Variants in GRB10 observed in about 807,000 individuals in gnomAD.
The protein encoded by GRB10 is growth factor receptor-bound protein 10.
Under a neutral mutation model 80.9 loss-of-function variants are expected in GRB10, and 20 were observed. The ratio of observed to expected loss-of-function variants is 0.25; its 90% confidence interval spans 0.17 to 0.36. GRB10 has a LOEUF of 0.36. GRB10 is among the 10% of genes least tolerant of loss of function. The pLI is 1.00. For synonymous variants in GRB10, 291 were observed against 291.5 expected, an observed-to-expected ratio of 1.00 and a Z score of 0.02; for missense variants, 548 against 747.7, an observed-to-expected ratio of 0.73 and a Z score of 3.12.
chr7:50,727,004 GCA>G (rs2068758938), intron 4 of GRB10: 1 of 152,178 alleles, frequency 6.6e-6, no homozygotes, highest in Admixed American at 6.5e-5. Flanking sequence ...CGTAGCATTG[GCA>G]GGAGAGAAAA....
chr7:50,772,351 C>T (rs183111401), intron 2 of GRB10, among the ~76,000 whole-genome samples: 1 of 152,202 alleles, frequency 6.6e-6, no homozygotes, highest in Non-Finnish European at 1.5e-5. Flanking sequence ...TCTTCTAGAC[C>T]ACATTCTCGA....
At chr7:50,768,730 T>C (rs2076647940) in intron 2 of GRB10, among the ~76,000 whole-genome samples, 1 of 152,236 alleles carries the variant, frequency 6.6e-6, no homozygotes, top group Admixed American at 6.5e-5. Context: ...GACCGACCAT[T>C]GCTTTTATCA....
chr7:50,664,403 C>G (rs547798830), intron 7 of GRB10, among the ~76,000 whole-genome samples: 1 of 152,234 alleles, frequency 6.6e-6, no homozygotes, highest in Middle Eastern at 3.2e-3. Context: ...AGAAGTACAG[C>G]AGAGGGAGAC....
chr7:50,659,671 A>T (rs2059036252), intron 7 of GRB10, among the ~76,000 whole-genome samples: 1 of 152,204 alleles, frequency 6.6e-6, no homozygotes, highest in South Asian at 2.1e-4. Context: ...GAGCAAACTC[A>T]TCTCTGTCTA....
chr7:50,625,100 A>T (rs2052636670), intron 8 of GRB10, among the ~76,000 whole-genome samples: 1 of 152,178 alleles, frequency 6.6e-6, no homozygotes, highest in Non-Finnish European at 1.5e-5. Context: ...GTTTTAATGC[A>T]TCATTTATTT....
At chr7:50,632,649 G>A (rs1417253405) in intron 7 of GRB10, among the ~76,000 whole-genome samples, 1 of 152,202 alleles carries the variant, frequency 6.6e-6, no homozygotes, top group Admixed American at 6.5e-5. Flanking sequence ...GGGCAGTGCG[G>A]ATGACTTGGG....
intron 7 of GRB10, among the ~76,000 whole-genome samples, chr7:50,640,179 T>C (rs904913009): frequency 6.6e-6 from 1 of 152,238 alleles, no homozygotes; most frequent in Non-Finnish European, 1.5e-5. Context: ...GGGACACAGT[T>C]AGCTTGCTTT....
At chr7:50,676,706 A>C (rs2060992625) in intron 5 of GRB10, among the ~76,000 whole-genome samples, 1 of 152,154 alleles carries the variant, frequency 6.6e-6, no homozygotes, top group African/African-American at 2.4e-5. Flanking sequence ...AGACATAAGG[A>C]AACAAAACAA....
chr7:50,641,278 GT>G lies in GRB10; in HGVS notation c.505-14301del, dbSNP rs200373898. On this transcript the variant is annotated intron_variant, in intron 7 of 18. Coordinates refer to ENST00000401949, the MANE Select transcript of GRB10 (RefSeq NM_001350814.2). The stretch of plus-strand genomic sequence containing the variant: ...TTGAATTTTATACTCATCAAAAAAG[GT>G]GGGGGGGTAGCCTTCATTCAAACCT... Among the ~76,000 whole-genome samples, 253 of 117,464 alleles carry G rather than the reference GT, an allele frequency of 2.2e-3. 3 individuals are homozygous for G. Among genetic ancestry groups the G allele is most frequent in the African/African-American group, 5.4e-3 (177 of 32,586 alleles). The allele number at this position is 117,464 out of a possible 152,430, so 77.1% of individuals were successfully genotyped here. A position where few individuals can be genotyped will look rare whatever the true frequency, so the allele number is the denominator to read the frequency against.
At chr7:50,707,997 A>AT (rs1203102130) in intron 4 of GRB10, among the ~76,000 whole-genome samples, 1 of 152,258 alleles carries the variant, frequency 6.6e-6, no homozygotes, top group African/African-American at 2.4e-5. Flanking sequence ...GTGTCACCAG[A>AT]TTTAGCAAAT....
chr7:50,717,707 T>C (rs540551615), intron 4 of GRB10, among the ~76,000 whole-genome samples: 28 of 152,358 alleles, frequency 1.8e-4, no homozygotes, highest in African/African-American at 5.8e-4. Flanking sequence ...CAGCGTATCT[T>C]CTCCTGTGTC....
Position 50,612,845 on chromosome 7 carries a change from G to A in GRB10, c.1096-6C>T. ...TCATTCCTGACTTTGTTTGGCTACA[G>A]GAGGTAAAAGAAAGTCCTGTTAGTG... is the stretch of plus-strand genomic sequence containing the variant. On this transcript the variant is annotated splice_polypyrimidine_tract_variant and splice_region_variant and intron_variant, in intron 12 of 18. Transcript: ENST00000401949. The A allele has an allele frequency of 6.2e-7, 1 of 1,604,842 alleles. No homozygotes were observed. Among genetic ancestry groups the A allele is most frequent in the Non-Finnish European group, 8.5e-7 (1 of 1,171,798 alleles).
intron 4 of GRB10, among the ~76,000 whole-genome samples, chr7:50,704,216 A>C (rs2064692026): frequency 6.6e-6 from 1 of 152,250 alleles, no homozygotes; most frequent in Non-Finnish European, 1.5e-5. Context: ...CAGTGAATAG[A>C]AATAATTAAC....
At chr7:50,677,384 C>A (rs2061070963) in intron 5 of GRB10, among the ~76,000 whole-genome samples, 2 of 152,260 alleles carry the variant, frequency 1.3e-5, no homozygotes, top group East Asian at 1.9e-4. Context: ...GAGGGGCAGG[C>A]ATGTACCTGC....
chr7:50,695,834 G>C (rs1230419276), intron 5 of GRB10, among the ~76,000 whole-genome samples: 1 of 151,956 alleles, frequency 6.6e-6, no homozygotes, highest in East Asian at 1.9e-4. Context: ...TGTTACATTT[G>C]TTCAAAATTT....
Position 50,592,847 on chromosome 7 carries a change from G to A in GRB10, c.*105C>T. 9.1e-6 allele frequency: 12 copies of A among 1,312,286 alleles called. No homozygotes were observed. In the South Asian group the frequency reaches 1.2e-4, roughly 13 times the overall value. 81.3% of individuals were successfully genotyped at this position (1,312,286 alleles called of 1,614,324 possible). On this transcript the variant is annotated 3_prime_UTR_variant, in exon 19 of 19. Transcript: ENST00000401949. ...GCACCGAACAAACCCATCTCGCTCT[G>A]GGTCCCCAGGTGCAGAATCGATGTG... is the stretch of plus-strand genomic sequence containing the variant.
chr7:50,689,044 T>G (rs1469182389), intron 5 of GRB10, among the ~76,000 whole-genome samples: 1 of 152,088 alleles, frequency 6.6e-6, no homozygotes, highest in Non-Finnish European at 1.5e-5. Context: ...TGCCTTCATC[T>G]CTCTCCGAAA....
At chr7:50,791,332 G>C (rs1367175517) in intron 1 of GRB10, among the ~76,000 whole-genome samples, 1 of 152,170 alleles carries the variant, frequency 6.6e-6, no homozygotes, top group African/African-American at 2.4e-5. Context: ...TGAAGGCTGG[G>C]AGCCCCCAGA....
intron 1 of GRB10, among the ~76,000 whole-genome samples, chr7:50,791,752 A>G (rs993681797): frequency 1.3e-5 from 2 of 152,226 alleles, no homozygotes; most frequent in Non-Finnish European, 2.9e-5. Flanking sequence ...TTCTCTTTCA[A>G]GTGCTCCCAG....
Sources: allele counts gnomAD v4.1 joint callset (sites outside exome capture counted in the v4.1 genomes callset), GRCh38; gene constraint gnomAD v4.1.1; transcripts MANE v1.5; gene names NCBI Gene and HGNC (gene_info 2026-07-23, HGNC 2026-07-21).